The following AKNAD1 variants were observed in gnomAD, a reference collection of about 807,000 sequenced individuals.
AKNAD1 encodes the protein AKNA domain containing 1.
AKNAD1 carries 67 observed loss-of-function variants against 90.8 expected under a neutral mutation model. That is an observed-to-expected ratio of 0.74 (90% CI 0.61 to 0.90). The LOEUF (loss-of-function observed/expected upper bound fraction) is 0.90, where lower values mean the gene tolerates loss of function less well. Among genes scored for constraint, AKNAD1 ranks in the 40% least tolerant of loss-of-function variants. AKNAD1 has a pLI of 0.00. For missense variants in AKNAD1, 957 were observed against 975.4 expected, an observed-to-expected ratio of 0.98 and a Z score of 0.25; for synonymous variants, 327 against 341.4, an observed-to-expected ratio of 0.96 and a Z score of 0.46.
At position 108,823,451 on chromosome 1, in the gene AKNAD1, C is replaced by G; in HGVS notation, c.2086G>C (p.Gly696Arg). The G allele has an allele frequency of 6.2e-7, 1 of 1,614,040 alleles. No homozygotes were observed. The highest frequency in any genetic ancestry group is 8.5e-7 in the Non-Finnish European group (1 of 1,179,962). The change falls in exon 13 of 16, where the codon GGA becomes CGA. Residue 696 changes from glycine to arginine, a missense_variant. Gly to Arg is a moderately radical substitution (Grantham distance 125). Coordinates refer to ENST00000370001, the MANE Select transcript of AKNAD1 (RefSeq NM_152763.5). Reference sequence around the variant, plus strand: ...TTGCTATGATTTGAGTAATTCTGTCCTGGAGTGTTGTATCTATAATGAAAT... The same window carrying G: ...TTGCTATGATTTGAGTAATTCTGTCGTGGAGTGTTGTATCTATAATGAAAT... ...KEFHYRYNTP[G>R]QNYSNHSKRG...
At position 108,834,898 on chromosome 1, in the gene AKNAD1, T is replaced by C. The variant is rs748227187; in HGVS notation, c.1664+31A>G. The C allele has an allele frequency of 2.0e-6, 3 of 1,508,374 alleles. No homozygotes were observed. The South Asian group carries it at 4.0e-5, about 20-fold the overall frequency. The allele number at this position is 1,508,374 out of a possible 1,614,324, so 93.4% of individuals were successfully genotyped here. A position where few individuals can be genotyped will look rare whatever the true frequency, so the allele number is the denominator to read the frequency against. On this transcript the variant is annotated intron_variant, in intron 8 of 15. Transcript: ENST00000370001. ...GGAAGGGGCCTCTTTCTGTGTCCTG[T>C]GTCTGCTGGGGCTCCAGGGCTAGGA...
chr1:108,821,119 T>C (rs981521197), intron 13 of AKNAD1, among the ~76,000 whole-genome samples: 5 of 151,094 alleles, frequency 3.3e-5, no homozygotes, highest in African/African-American at 1.2e-4. Flanking sequence ...GAACTTTCTA[T>C]GAAGTATTCT....
chr1:108,824,015 A>G (rs895753646), intron 11 of AKNAD1, among the ~76,000 whole-genome samples: 13 of 152,130 alleles, frequency 8.5e-5, no homozygotes, highest in African/African-American at 2.9e-4. Context: ...TTGTATTTGT[A>G]TTTGTTTTTC....
At chr1:108,842,011 G>C (rs936459323) in intron 6 of AKNAD1, among the ~76,000 whole-genome samples, 1 of 152,108 alleles carries the variant, frequency 6.6e-6, no homozygotes, top group African/African-American at 2.4e-5. Context: ...TAAAATGACT[G>C]CCCAAGCAGA....
intron 1 of AKNAD1, among the ~76,000 whole-genome samples, chr1:108,854,954 C>T (rs1664987260): frequency 6.6e-6 from 1 of 151,984 alleles, no homozygotes; most frequent in Admixed American, 6.6e-5. Context: ...CTAAAGTACT[C>T]GGCATAGGGC....
chr1:108,849,340 G>A (rs1664786918), intron 3 of AKNAD1, among the ~76,000 whole-genome samples, 197 bp downstream of exon 3: 1 of 151,848 alleles, frequency 6.6e-6, no homozygotes, highest in African/African-American at 2.4e-5. Flanking sequence ...TTATCTAGGT[G>A]TGGTGGCATG....
chr1:108,823,236 G>A (rs1663873529), intron 13 of AKNAD1, 134 bp downstream of exon 13: 1 of 759,124 alleles, frequency 1.3e-6, no homozygotes, highest in African/African-American at 1.7e-5. Flanking sequence ...TCAGGTGAGT[G>A]CACAAGACCT....
intron 5 of AKNAD1, among the ~76,000 whole-genome samples, chr1:108,847,591 T>TGCC (rs1557836737): frequency 4.0e-5 from 6 of 151,278 alleles, no homozygotes; most frequent in African/African-American, 1.5e-4. Context: ...TCCCAAGTGC[T>TGCC]GTATGGTAAA....
At chr1:108,843,845 T>C (rs1570820064) in intron 5 of AKNAD1, among the ~76,000 whole-genome samples, 1 of 152,116 alleles carries the variant, frequency 6.6e-6, no homozygotes, top group African/African-American at 2.4e-5. Context: ...CTTCCAGACA[T>C]CACTACGTGC....
At chr1:108,826,789 G>T (rs1283544156) in intron 11 of AKNAD1, among the ~76,000 whole-genome samples, 1 of 145,948 alleles carries the variant, frequency 6.9e-6, no homozygotes, top group African/African-American at 2.5e-5. Context: ...GCCCAGGCTG[G>T]AGTACGGTGG....
chr1:108,834,407 A>G, intron 9 of AKNAD1, 40 bp downstream of exon 9: 3 of 1,530,750 alleles, frequency 2.0e-6, no homozygotes, highest in Non-Finnish European at 2.7e-6. Context: ...AGAGCCAACA[A>G]TGAGAAGAAC....
At chr1:108,838,939 A>G (rs892978382) in intron 6 of AKNAD1, among the ~76,000 whole-genome samples, 5 of 152,232 alleles carry the variant, frequency 3.3e-5, no homozygotes, top group Non-Finnish European at 7.3e-5. Flanking sequence ...ATAATGGGTG[A>G]GTTCTACCAA....
intron 3 of AKNAD1, 39 bp downstream of exon 3, chr1:108,849,498 A>G: frequency 1.6e-6 from 2 of 1,254,414 alleles, no homozygotes; most frequent in Admixed American, 1.7e-5. Context: ...AAAACAAAAC[A>G]TATATATATA....
rs759984981 is a variant in AKNAD1 at position 108,822,041 on chromosome 1, G to C, written c.2167+1329C>G. On this transcript the variant is annotated intron_variant, in intron 13 of 15. Transcript: ENST00000370001. ...AAGATTTAGTCATGCTGACCACCTA[G>C]ACTTGGGGCATGATGAAGAGGCACT... 6.6e-5 allele frequency among the ~76,000 whole-genome samples: 10 copies of C among 152,284 alleles called. No homozygotes were observed. The South Asian group carries it at 8.3e-4, about 13-fold the overall frequency.
intron 10 of AKNAD1, among the ~76,000 whole-genome samples, chr1:108,828,791 T>C (rs1376558333): frequency 6.6e-6 from 1 of 151,820 alleles, no homozygotes; most frequent in Non-Finnish European, 1.5e-5. Flanking sequence ...AGTGGGAAAC[T>C]TGGATCTCAC....
intron 10 of AKNAD1, among the ~76,000 whole-genome samples, chr1:108,829,011 C>T (rs1201613342): frequency 6.6e-6 from 1 of 151,778 alleles, no homozygotes; most frequent in Non-Finnish European, 1.5e-5. Flanking sequence ...AATTTATCCA[C>T]TTATATATAA....
intron 5 of AKNAD1, among the ~76,000 whole-genome samples, chr1:108,844,769 T>C (rs1664654480): frequency 6.6e-6 from 1 of 152,060 alleles, no homozygotes; most frequent in Non-Finnish European, 1.5e-5. Flanking sequence ...CTAAATGAGA[T>C]AATGCATTGT....
intron 1 of AKNAD1, among the ~76,000 whole-genome samples, chr1:108,853,011 A>G (rs1320239683): frequency 6.6e-6 from 1 of 152,094 alleles, no homozygotes; most frequent in Admixed American, 6.6e-5. Context: ...AATTTTGAGG[A>G]TGACATTAGT....
At position 108,843,115 on chromosome 1, in the gene AKNAD1, C is replaced by G. The variant is rs781295042; in HGVS notation, c.1379+19G>C. The G allele has an allele frequency of 9.1e-5, 147 of 1,613,184 alleles. No individual in the cohort carries two copies. The highest frequency in any genetic ancestry group is 1.1e-4 in the Non-Finnish European group (134 of 1,179,694). On this transcript the variant is annotated intron_variant, in intron 6 of 15. Coordinates refer to ENST00000370001, the MANE Select transcript of AKNAD1 (RefSeq NM_152763.5). ...TCACCTTTGACCCTTCCACCTTACA[C>G]AGTTGGTTTAAATCTGACCTTTCTG...
Sources: gnomAD v4.1 joint callset for allele counts (sites outside exome capture counted in the v4.1 genomes callset) on GRCh38, gnomAD v4.1.1 for gene constraint, MANE v1.5 for transcripts, NCBI Gene and HGNC (gene_info 2026-07-23, HGNC 2026-07-21) for gene names.